SYNPR: variants seen among roughly 807,000 people sequenced by gnomAD.
The protein encoded by SYNPR is synaptoporin.
SYNPR carries 23 observed loss-of-function variants against 32.9 expected under a neutral mutation model. That is an observed-to-expected ratio of 0.70 (90% CI 0.50 to 0.99). The LOEUF (loss-of-function observed/expected upper bound fraction) is 0.99, where lower values mean the gene tolerates loss of function less well. Ranked by LOEUF, SYNPR falls within the 50% of genes least tolerant of loss-of-function variation. The pLI, the probability that SYNPR is intolerant of heterozygous loss-of-function variation, is 0.00. For missense variants in SYNPR, 318 were observed against 349.3 expected (o/e 0.91, Z 0.71); for synonymous variants, 146 against 135.9 (o/e 1.07, Z -0.52).
At chr3:63,309,256 A>G (rs1169028860) in intron 2 of SYNPR, among the ~76,000 whole-genome samples, 2 of 152,010 alleles carry the variant, frequency 1.3e-5, no homozygotes, top group African/African-American at 2.4e-5. Flanking sequence ...GAACATCTGT[A>G]ATACACTTAC....
At chr3:63,360,408 T>C (rs1331687710) in intron 2 of SYNPR, among the ~76,000 whole-genome samples, 3 of 152,228 alleles carry the variant, frequency 2.0e-5, no homozygotes, top group Non-Finnish European at 4.4e-5. Flanking sequence ...TCAACCATTG[T>C]TCCTGTCTCA....
chr3:63,316,433 G>A (rs896694733), intron 2 of SYNPR, among the ~76,000 whole-genome samples: 1 of 151,788 alleles, frequency 6.6e-6, no homozygotes, highest in Non-Finnish European at 1.5e-5. Context: ...GTCTGTTCAG[G>A]ATATCGAATT....
chr3:63,575,206 C>T (rs545178840), intron 4 of SYNPR, among the ~76,000 whole-genome samples: 1 of 152,198 alleles, frequency 6.6e-6, no homozygotes, highest in East Asian at 1.9e-4. Context: ...TGTTACACAG[C>T]AAAAAGTTAA....
chr3:63,491,138 G>A (rs1354470665), intron 3 of SYNPR, among the ~76,000 whole-genome samples: 1 of 152,132 alleles, frequency 6.6e-6, no homozygotes, highest in African/African-American at 2.4e-5. Context: ...CAATTCCATT[G>A]AGATGTGTTT....
chr3:63,497,276 T>G (rs1353490050), intron 3 of SYNPR, among the ~76,000 whole-genome samples: 1 of 152,192 alleles, frequency 6.6e-6, no homozygotes, highest in Admixed American at 6.5e-5. Flanking sequence ...ACAACCCTCA[T>G]TAAATGTTGG....
chr3:63,517,179 T>C (rs772422473), intron 3 of SYNPR, among the ~76,000 whole-genome samples: 1 of 152,090 alleles, frequency 6.6e-6, no homozygotes, highest in Non-Finnish European at 1.5e-5. Flanking sequence ...CTGAGGACTC[T>C]AGCAACAACA....
chr3:63,553,749 T>A (rs1422712564), intron 3 of SYNPR, among the ~76,000 whole-genome samples: 2 of 152,198 alleles, frequency 1.3e-5, no homozygotes, highest in African/African-American at 4.8e-5. Flanking sequence ...GAGACGGAGT[T>A]TCGCTCTTGT....
At chr3:63,257,831 G>A (rs60440187) in intron 2 of SYNPR, among the ~76,000 whole-genome samples, 3,297 of 152,166 alleles carry the variant, frequency 0.022, 105 homozygotes, top group African/African-American at 0.069. Flanking sequence ...CCCATCTCAC[G>A]TGCAGAGACA....
rs1559546303 is a variant in SYNPR, at chr3:63,595,787, TTATATATATATAGTTATA to T, written c.409-13327_409-13310del. ...TATATATAATTTTATATATATATAGTTATATATATATAGTTATATATATATATAGTTTTATATATATAT... is the reference window on the plus strand; with the variant it reads ...TATATATAATTTTATATATATATAGTTATATATATAGTTTTATATATATAT... On this transcript the variant is annotated intron_variant, in intron 4 of 5. Transcript: ENST00000478300. Among the ~76,000 whole-genome samples the T allele has an allele frequency of 5.3e-4, 15 of 28,218 alleles. 2 individuals carry two copies. The highest frequency in any genetic ancestry group is 3.4e-3 in the African/African-American group (15 of 4,366). 18.5% of individuals were successfully genotyped at this position (28,218 alleles called of 152,430 possible).
At chr3:63,610,763 G>T (rs750549041) in intron 5 of SYNPR, among the ~76,000 whole-genome samples, 2 of 152,172 alleles carry the variant, frequency 1.3e-5, no homozygotes, top group Non-Finnish European at 2.9e-5. Flanking sequence ...TGCTTGATAT[G>T]TTTGTTAGTT....
intron 2 of SYNPR, among the ~76,000 whole-genome samples, chr3:63,295,066 G>C (rs2086781031): frequency 6.6e-6 from 1 of 152,020 alleles, no homozygotes. Context: ...AAATCCAGAA[G>C]CTGCCTGATG....
At chr3:63,485,357 T>G (rs10460967) in intron 3 of SYNPR, among the ~76,000 whole-genome samples, 3,500 of 151,624 alleles carry the variant, frequency 0.023, 58 homozygotes, top group East Asian at 0.05. Flanking sequence ...TAAAGTAAAA[T>G]AAATAAAAAC....
intron 3 of SYNPR, among the ~76,000 whole-genome samples, chr3:63,272,444 G>T (rs1176524714): frequency 6.6e-6 from 1 of 151,484 alleles, no homozygotes; most frequent in Non-Finnish European, 1.5e-5. Context: ...CATTCTTTGG[G>T]CTTTGTTTAC....
At chr3:63,260,589 T>C (rs1011128319) in intron 2 of SYNPR, among the ~76,000 whole-genome samples, 1 of 152,200 alleles carries the variant, frequency 6.6e-6, no homozygotes, top group African/African-American at 2.4e-5. Flanking sequence ...ATTAAAGACT[T>C]AAATGTTAGA....
At chr3:63,457,655 C>A (rs1700507197) in intron 2 of SYNPR, among the ~76,000 whole-genome samples, 1 of 152,076 alleles carries the variant, frequency 6.6e-6, no homozygotes, top group South Asian at 2.1e-4. Flanking sequence ...AGTGAAAGAT[C>A]AGAAGTCTCA....
chr3:63,437,411 A>G (rs1246485260), intron 2 of SYNPR, among the ~76,000 whole-genome samples: 1 of 152,162 alleles, frequency 6.6e-6, no homozygotes, highest in African/African-American at 2.4e-5. Flanking sequence ...AGCTGGAACT[A>G]GAATCCACCT....
chr3:63,332,857 T>C (rs2087244854), intron 2 of SYNPR, among the ~76,000 whole-genome samples: 1 of 152,152 alleles, frequency 6.6e-6, no homozygotes, highest in Non-Finnish European at 1.5e-5. Flanking sequence ...TTGGCACAGT[T>C]GACATTTTGG....
intron 2 of SYNPR, among the ~76,000 whole-genome samples, chr3:63,458,355 G>A (rs1479736972): frequency 6.6e-6 from 1 of 152,082 alleles, no homozygotes; most frequent in African/African-American, 2.4e-5. Flanking sequence ...GCTTAGCTGG[G>A]TAGCATGTCT....
At chr3:63,300,734 G>T (rs1325884937) in intron 2 of SYNPR, among the ~76,000 whole-genome samples, 1 of 151,986 alleles carries the variant, frequency 6.6e-6, no homozygotes, top group Non-Finnish European at 1.5e-5. Flanking sequence ...ATAATTTACA[G>T]TCTAGAATAA....
Sources: gnomAD v4.1 joint callset for allele counts (sites outside exome capture counted in the v4.1 genomes callset) on GRCh38, gnomAD v4.1.1 for gene constraint, MANE v1.5 for transcripts, NCBI Gene and HGNC (gene_info 2026-07-23, HGNC 2026-07-21) for gene names.